ZC3H14: variants seen among roughly 807,000 people sequenced by gnomAD.
The protein encoded by ZC3H14 is zinc finger CCCH-type containing 14.
In ZC3H14, 31 loss-of-function variants were observed where a neutral mutation model predicts 92.4. The ratio of observed to expected loss-of-function variants is 0.34; its 90% CI spans 0.25 to 0.45. ZC3H14 has a LOEUF of 0.45. Ranked by LOEUF, ZC3H14 falls within the 20% of genes least tolerant of loss-of-function variation. The pLI is 1.00. For missense variants in ZC3H14, 781 were observed against 897.3 expected (o/e 0.87, Z 1.66); for synonymous variants, 321 against 300.9 (o/e 1.07, Z -0.69).
At chr14:88,566,460 A>T (rs975831824) in intron 2 of ZC3H14, among the ~76,000 whole-genome samples, 4 of 152,158 alleles carry the variant, frequency 2.6e-5, no homozygotes, top group Non-Finnish European at 5.9e-5. Flanking sequence ...AGACTAACAG[A>T]TGAGAGAATT....
At chr14:88,611,377 G>A (rs988735747) in intron 16 of ZC3H14, among the ~76,000 whole-genome samples, 3 of 152,120 alleles carry the variant, frequency 2.0e-5, no homozygotes, top group African/African-American at 4.8e-5. Flanking sequence ...TTACAGGCAT[G>A]AGCCACCACA....
rs1285428611 is a variant in ZC3H14, at chr14:88,596,777, A to G, written c.1323A>G (p.Pro441=). 6.2e-7 allele frequency: 1 copy of G among 1,614,148 alleles called. No individual in the cohort carries two copies. The highest frequency in any genetic ancestry group is 1.1e-5 in the South Asian group (1 of 91,090). The change falls in exon 10 of 17, where the codon CCA becomes CCG. Residue 441 remains proline, a synonymous_variant. Coordinates refer to ENST00000251038, the MANE Select transcript of ZC3H14 (RefSeq NM_024824.5). ...TATTATCCCGACTGCAAATCGACCC[A>G]GTAATGGCAGAAACTCTGCAGATGA... is the stretch of plus-strand genomic sequence containing the variant. ...RQLLSRLQID[P]VMAETLQMSQ...
Position 88,609,952 on chromosome 14 carries a change from T to G in ZC3H14, c.2097+149T>G. 4.6e-6 allele frequency: 4 copies of G among 862,302 alleles called. No homozygotes were observed. In the South Asian group the frequency reaches 6.1e-5, roughly 13 times the overall value. The allele number at this position is 862,302 out of a possible 1,614,324, so 53.4% of individuals were successfully genotyped here. A position where few individuals can be genotyped will look rare whatever the true frequency, so the allele number is the denominator to read the frequency against. ...TTAAGTTGTTCCTCGTCACTGAACC[T>G]CCATCTGGCCCCTTAGGCCAAGTGG... On this transcript the variant is annotated intron_variant, in intron 15 of 16. Transcript: ENST00000251038.
chr14:88,599,564 A>G (rs1248533031), intron 10 of ZC3H14, among the ~76,000 whole-genome samples: 3 of 151,984 alleles, frequency 2.0e-5, no homozygotes, highest in African/African-American at 7.2e-5. Flanking sequence ...GCTTTCCTCA[A>G]CCCTGGAGCA....
chr14:88,627,129 G>A lies in ZC3H14; in HGVS notation c.*15378G>A. The A allele has an allele frequency of 7.0e-7, 1 of 1,426,506 alleles. No homozygotes were observed. Among genetic ancestry groups the A allele is most frequent in the Non-Finnish European group, 9.8e-7 (1 of 1,025,168 alleles). 88.4% of individuals were successfully genotyped at this position (1,426,506 alleles called of 1,614,324 possible). On this transcript the variant is annotated 3_prime_UTR_variant, in exon 17 of 17. Transcript: ENST00000251038. ...ATCAAACAAATATGTAAAATACATA[G>A]TTCAAAAAACAAAGGCTTAGAAGAG...
Position 88,625,071 on chromosome 14 carries a change from G to T in ZC3H14, c.*13320G>T. ...CTCTCGCCACGATTCTACACAATAT[G>T]TGATCTTTCCACACACAGACATCAC... is the stretch of plus-strand genomic sequence containing the variant. On this transcript the variant is annotated 3_prime_UTR_variant, in exon 17 of 17. Coordinates refer to ENST00000251038, the MANE Select transcript of ZC3H14 (RefSeq NM_024824.5). The T allele has an allele frequency of 6.2e-7, 1 of 1,613,920 alleles. No homozygotes were observed. The highest frequency in any genetic ancestry group is 8.5e-7 in the Non-Finnish European group (1 of 1,179,840).
chr14:88,574,442 A>G, intron 6 of ZC3H14: 3 of 415,512 alleles, frequency 7.2e-6, no homozygotes, highest in South Asian at 6.4e-5. Context: ...ACAGGGTTTC[A>G]CCATATTGGC....
Position 88,611,893 on chromosome 14 carries a change from A to C in ZC3H14, c.*142A>C. 1 of 1,154,636 alleles carries C rather than the reference A, an allele frequency of 8.7e-7. No homozygotes were observed. Among genetic ancestry groups the C allele is most frequent in the Non-Finnish European group, 1.2e-6 (1 of 803,856 alleles). The allele number at this position is 1,154,636 out of a possible 1,614,324, so 71.5% of individuals were successfully genotyped here. A position where few individuals can be genotyped will look rare whatever the true frequency, so the allele number is the denominator to read the frequency against. On this transcript the variant is annotated 3_prime_UTR_variant, in exon 17 of 17. Transcript: ENST00000251038. ...TGAAGTTTTATTGCCTATCTATCTG[A>C]AGTGTCTAATTTTTCAAGTTTGTAA...
rs369215626 is a variant in ZC3H14 at position 88,610,957 on chromosome 14, G to T, written c.2204+17G>T. On this transcript the variant is annotated intron_variant, in intron 16 of 16. Transcript: ENST00000251038. Reference sequence around the variant, plus strand: ...TCAAACCAGGTAAACATTCAAATTCGTTTTTCTCATGTCAGTTCAAATTCT... The same window carrying T: ...TCAAACCAGGTAAACATTCAAATTCTTTTTTCTCATGTCAGTTCAAATTCT... 1 of 1,567,312 alleles carries T rather than the reference G, an allele frequency of 6.4e-7. No individual in the cohort carries two copies. Among genetic ancestry groups the T allele is most frequent in the Non-Finnish European group, 8.8e-7 (1 of 1,141,270 alleles).
intron 16 of ZC3H14, 33 bp from the exon 17 acceptor site, chr14:88,611,712 T>A (rs748660448): frequency 7.4e-6 from 12 of 1,613,744 alleles, no homozygotes; most frequent in Non-Finnish European, 1.0e-5. Flanking sequence ...ACAAAGCAGA[T>A]AATTAAAACA....
At chr14:88,566,034 C>G (rs368788213) in intron 2 of ZC3H14, among the ~76,000 whole-genome samples, 4 of 31,802 alleles carry the variant, frequency 1.3e-4, no homozygotes, top group Non-Finnish European at 2.9e-4. Context: ...CCCCGCCCCC[C>G]CCCCCCGGCT....
At chr14:88,576,918 G>A (rs1275456887) in intron 8 of ZC3H14, among the ~76,000 whole-genome samples, 2 of 152,056 alleles carry the variant, frequency 1.3e-5, no homozygotes, top group Non-Finnish European at 2.9e-5. Context: ...AGCCTCCCAA[G>A]TAGCTGGGAT....
chr14:88,577,195 A>T (rs1458555521), intron 8 of ZC3H14, among the ~76,000 whole-genome samples: 1 of 152,170 alleles, frequency 6.6e-6, no homozygotes, highest in Non-Finnish European at 1.5e-5. Context: ...ATATAGAATA[A>T]AGATTATCAG....
At chr14:88,600,757 A>T (rs1045985905) in intron 10 of ZC3H14, among the ~76,000 whole-genome samples, 4 of 152,046 alleles carry the variant, frequency 2.6e-5, no homozygotes, top group Non-Finnish European at 5.9e-5. Context: ...AGGCCACTTG[A>T]TTTCTTACTA....
At chr14:88,606,453 T>C (rs2085412163) in intron 12 of ZC3H14, among the ~76,000 whole-genome samples, 1 of 152,166 alleles carries the variant, frequency 6.6e-6, no homozygotes, top group Non-Finnish European at 1.5e-5. Flanking sequence ...GACCCCATTG[T>C]AGGTAAAAAT....
intron 10 of ZC3H14, among the ~76,000 whole-genome samples, chr14:88,600,288 A>G (rs1304412215): frequency 6.6e-6 from 1 of 152,350 alleles, no homozygotes; most frequent in African/African-American, 2.4e-5. Context: ...TGAGACCAGG[A>G]CAGACAGCAG....
Position 88,625,867 on chromosome 14 carries a change from A to T in ZC3H14, c.*14116A>T, listed in dbSNP as rs2089867240. 6.6e-6 allele frequency: 1 copy of T among 152,232 alleles called. No individual in the cohort carries two copies. Among genetic ancestry groups the T allele is most frequent in the African/African-American group, 2.4e-5 (1 of 41,456 alleles). The allele number at this position is 152,232 out of a possible 1,614,324, so 9.4% of individuals were successfully genotyped here. A position where few individuals can be genotyped will look rare whatever the true frequency, so the allele number is the denominator to read the frequency against. On this transcript the variant is annotated 3_prime_UTR_variant, in exon 17 of 17. Coordinates refer to ENST00000251038, the MANE Select transcript of ZC3H14 (RefSeq NM_024824.5). ...ATAAGTATTGCATAATCACAAAAAC[A>T]AAAAATGCACTTAGTTTTTCGATGC...
chr14:88,579,905 A>C (rs2081664341), intron 9 of ZC3H14, among the ~76,000 whole-genome samples: 1 of 152,236 alleles, frequency 6.6e-6, no homozygotes, highest in Admixed American at 6.5e-5. Context: ...AAAGCCAAGA[A>C]AAACATAAAA....
rs10150251 is a variant in ZC3H14, at chr14:88,577,010, C to T, written c.1124-975C>T. On this transcript the variant is annotated intron_variant, in intron 8 of 16. Transcript: ENST00000251038. ...GTTCCACCATGTTGGCCAGGCTGGT[C>T]TCGTACTCCTGACCTCAGGTGATCA... Among the ~76,000 whole-genome samples the T allele has an allele frequency of 5.5e-3, 842 of 152,098 alleles. 11 individuals are homozygous for T. Among genetic ancestry groups the T allele is most frequent in the African/African-American group, 0.019 (803 of 41,468 alleles).
Sources: allele counts gnomAD v4.1 joint callset (sites outside exome capture counted in the v4.1 genomes callset), GRCh38; gene constraint gnomAD v4.1.1; transcripts MANE v1.5; gene names NCBI Gene and HGNC (gene_info 2026-07-23, HGNC 2026-07-21).